IQSEC1: variants seen among roughly 807,000 people sequenced by gnomAD.
The protein encoded by IQSEC1 is IQ motif and SEC7 domain-containing protein 1.
Under a neutral mutation model 91.0 loss-of-function variants are expected in IQSEC1, and 31 were observed. The ratio of observed to expected loss-of-function variants is 0.34; its 90% CI spans 0.26 to 0.46. The LOEUF (loss-of-function observed/expected upper bound fraction) is 0.46, where lower values mean the gene tolerates loss of function less well. Among genes scored for constraint, IQSEC1 ranks in the 20% least tolerant of loss-of-function variants. The pLI is 1.00. For missense variants in IQSEC1, 1,388 were observed against 1,575.6 expected (o/e 0.88, Z 2.02); for synonymous variants, 699 against 662.6 (o/e 1.05, Z -0.84).
chr3:13,126,062 C>G (rs1402442151), intron 2 of IQSEC1, among the ~76,000 whole-genome samples: 1 of 152,152 alleles, frequency 6.6e-6, no homozygotes, highest in East Asian at 1.9e-4. Flanking sequence ...TTTTTAACAG[C>G]TTTATCAAGG....
intron 1 of IQSEC1, among the ~76,000 whole-genome samples, chr3:13,034,207 C>A (rs1026972108): frequency 2.6e-5 from 4 of 152,182 alleles, no homozygotes; most frequent in Admixed American, 2.6e-4. Flanking sequence ...GCGTCTCCCC[C>A]CAGAGTCAAC....
chr3:13,190,273 C>T (rs1693999280), intron 1 of IQSEC1, among the ~76,000 whole-genome samples: 2 of 152,202 alleles, frequency 1.3e-5, no homozygotes, highest in Non-Finnish European at 2.9e-5. Context: ...GCGGCGGATG[C>T]TCCATGAGTG....
intron 1 of IQSEC1, among the ~76,000 whole-genome samples, chr3:12,946,588 C>A (rs1389829462): frequency 1.3e-5 from 2 of 152,116 alleles, no homozygotes; most frequent in African/African-American, 4.8e-5. Context: ...AAATGAGCAT[C>A]GACAAGGGGA....
At chr3:12,942,874 G>A (rs559179417) in intron 1 of IQSEC1, among the ~76,000 whole-genome samples, 3 of 152,158 alleles carry the variant, frequency 2.0e-5, no homozygotes, top group Non-Finnish European at 4.4e-5. Flanking sequence ...GCGAGGACCC[G>A]AGGAGGAGAA....
chr3:13,000,775 A>G (rs745608870), intron 1 of IQSEC1, among the ~76,000 whole-genome samples: 3 of 152,212 alleles, frequency 2.0e-5, no homozygotes, highest in Non-Finnish European at 4.4e-5. Flanking sequence ...CAGGCTTGCA[A>G]TAAACACAAC....
chr3:13,204,805 C>CTT lies in IQSEC1; in HGVS notation c.273-40674_273-40673dup, dbSNP rs536785311. ...TGTGTTTCTCTTTCTATCTTTCTTT[C>CTT]TTTTTTTTTTTTTTGACGGAATTTC... On this transcript the variant is annotated intron_variant, in intron 1 of 15. Coordinates refer to the IQSEC1 transcript ENST00000648114. 1.1e-3 allele frequency among the ~76,000 whole-genome samples: 155 copies of CTT among 139,144 alleles called. 4 individuals carry two copies. Among genetic ancestry groups the CTT allele is most frequent in the East Asian group, 5.3e-3 (25 of 4,722 alleles). 91.3% of individuals were successfully genotyped at this position (139,144 alleles called of 152,430 possible).
intron 1 of IQSEC1, among the ~76,000 whole-genome samples, chr3:13,244,302 C>T (rs1053375682): frequency 1.3e-5 from 2 of 152,310 alleles, no homozygotes; most frequent in Middle Eastern, 6.8e-3. Flanking sequence ...GAGCGATTCT[C>T]CTGCTTCAGC....
rs144159338 is a variant in IQSEC1, at chr3:13,250,965, G to A, written c.272+31746C>T. On this transcript the variant is annotated intron_variant, in intron 1 of 15. Transcript: ENST00000648114. ...CCCATCGCTCCTCCTCTGTCCAGAA[G>A]AGGCTCCCTGCCGGGGGTAAAGGCA... 4.0e-3 allele frequency among the ~76,000 whole-genome samples: 615 copies of A among 152,318 alleles called. 3 individuals carry two copies. The highest frequency in any genetic ancestry group is 4.6e-3 in the Non-Finnish European group (312 of 68,024).
At chr3:12,939,423 A>C (rs974148597) in intron 2 of IQSEC1, among the ~76,000 whole-genome samples, 6 of 152,236 alleles carry the variant, frequency 3.9e-5, no homozygotes, top group Non-Finnish European at 8.8e-5. Context: ...TGGAGGGCAC[A>C]GTGGGTCAGG....
chr3:13,124,922 G>A (rs576332494), intron 2 of IQSEC1, among the ~76,000 whole-genome samples: 25 of 152,070 alleles, frequency 1.6e-4, no homozygotes, highest in Non-Finnish European at 3.5e-4. Context: ...CACCACCTCC[G>A]TGCCACCATC....
At chr3:12,993,198 G>A (rs1702068460) in intron 1 of IQSEC1, among the ~76,000 whole-genome samples, 1 of 152,204 alleles carries the variant, frequency 6.6e-6, no homozygotes, top group African/African-American at 2.4e-5. Context: ...TACCGGGAGA[G>A]CTCCCTCCAC....
chr3:13,033,126 C>T (rs935545278), intron 1 of IQSEC1, among the ~76,000 whole-genome samples: 1 of 152,154 alleles, frequency 6.6e-6, no homozygotes, highest in South Asian at 2.1e-4. Flanking sequence ...ATTCTGTGCT[C>T]GAGGTGAACA....
intron 2 of IQSEC1, among the ~76,000 whole-genome samples, chr3:13,141,579 A>G (rs1028965980): frequency 2.6e-5 from 4 of 152,240 alleles, no homozygotes; most frequent in African/African-American, 9.6e-5. Context: ...CTGACAAATG[A>G]CTGGCAGGTG....
At chr3:13,058,605 G>T (rs899872946) in intron 1 of IQSEC1, among the ~76,000 whole-genome samples, 2 of 152,210 alleles carry the variant, frequency 1.3e-5, no homozygotes, top group Admixed American at 6.5e-5. Context: ...AGCTGCAGGG[G>T]ACCTGAAGCC....
At chr3:13,078,952 A>G (rs1375594640) in intron 2 of IQSEC1, among the ~76,000 whole-genome samples, 1 of 152,226 alleles carries the variant, frequency 6.6e-6, no homozygotes, top group Non-Finnish European at 1.5e-5. Context: ...GATCTTTTCT[A>G]TCAGTATTGT....
chr3:13,115,687 C>A (rs953850209), intron 2 of IQSEC1, among the ~76,000 whole-genome samples: 2 of 152,254 alleles, frequency 1.3e-5, no homozygotes, highest in Admixed American at 6.5e-5. Flanking sequence ...CTGGCCCTGG[C>A]AGGCCCAAGG....
intron 1 of IQSEC1, among the ~76,000 whole-genome samples, chr3:13,010,924 C>T (rs1182934566): frequency 6.6e-6 from 1 of 152,148 alleles, no homozygotes; most frequent in Non-Finnish European, 1.5e-5. Context: ...CCAAACTCTC[C>T]TCCACTCCCC....
chr3:12,908,234 C>A lies in IQSEC1; in HGVS notation c.2755+115G>T, dbSNP rs1695195634. Reference sequence around the variant, plus strand: ...GCTTTGCGGAAGGTCAGGGGAAATGCCGCACTGGCTTCGCCGCAGGCCCTG... The same window carrying A: ...GCTTTGCGGAAGGTCAGGGGAAATGACGCACTGGCTTCGCCGCAGGCCCTG... On this transcript the variant is annotated intron_variant, in intron 12 of 13. Coordinates refer to ENST00000613206, the MANE Select transcript of IQSEC1 (RefSeq NM_001134382.3). This position sits in a 1 kb window ranked among gnomAD's most constrained non-coding sequence, Gnocchi z 4.9. The A allele has an allele frequency of 7.3e-6, 8 of 1,100,476 alleles. No individual in the cohort carries two copies. In the East Asian group the frequency reaches 2.0e-4, roughly 28 times the overall value. 68.2% of individuals were successfully genotyped at this position (1,100,476 alleles called of 1,614,324 possible). A position where few individuals can be genotyped will look rare whatever the true frequency, so the allele number is the denominator to read the frequency against.
chr3:12,902,419 C>T (rs995535484), intron 13 of IQSEC1, among the ~76,000 whole-genome samples: 2 of 151,726 alleles, frequency 1.3e-5, no homozygotes, highest in South Asian at 2.1e-4. Context: ...GCGGGGGTGC[C>T]GGAAGCTGGG....
Sources: allele counts gnomAD v4.1 joint callset (sites outside exome capture counted in the v4.1 genomes callset), GRCh38; gene constraint gnomAD v4.1.1; non-coding constraint Gnocchi (gnomAD v3.1); transcripts MANE v1.5; gene names NCBI Gene and HGNC (gene_info 2026-07-23, HGNC 2026-07-21).